The following IL22RA1 variants were observed in gnomAD, a reference collection of about 807,000 sequenced individuals.
IL22RA1 encodes the protein interleukin 22 receptor subunit alpha 1, also known as interleukin-22 receptor subunit alpha-1.
In IL22RA1, 25 loss-of-function variants were observed where a neutral mutation model predicts 32.8. The observed-to-expected ratio is 0.76, with a 90% confidence interval of 0.55 to 1.06. The LOEUF (loss-of-function observed/expected upper bound fraction) is 1.06. Ranked by LOEUF, IL22RA1 falls within the 50% of genes least tolerant of loss-of-function variation. The probability of loss-of-function intolerance (pLI) is 0.00; values close to 1 mark genes in which losing one functional copy is unlikely to be tolerated. For synonymous variants in IL22RA1, 305 were observed against 305.0 expected, an observed-to-expected ratio of 1.00 and a Z score of 0.00; for missense variants, 709 against 727.4, an observed-to-expected ratio of 0.97 and a Z score of 0.29.
At chr1:24,124,296 A>G (rs776097688) in intron 5 of IL22RA1, among the ~76,000 whole-genome samples, 1 of 152,136 alleles carries the variant, frequency 6.6e-6, no homozygotes, top group South Asian at 2.1e-4. Context: ...CTACCAAGAT[A>G]AGGGGCTGGG....
intron 3 of IL22RA1, among the ~76,000 whole-genome samples, chr1:24,135,920 G>A (rs1644238677): frequency 6.6e-6 from 1 of 152,158 alleles, no homozygotes; most frequent in Non-Finnish European, 1.5e-5. Context: ...AACCATATCA[G>A]CAACTGCTGT....
At position 24,120,889 on chromosome 1, in the gene IL22RA1, G is replaced by A; in HGVS notation, c.1641C>T (p.Ala547=). 1.2e-6 allele frequency: 2 copies of A among 1,614,218 alleles called. No individual in the cohort carries two copies. The highest frequency in any genetic ancestry group is 1.7e-6 in the Non-Finnish European group (2 of 1,180,036). ...VCPKDEAKSP[A]PETSDLEQPT... ...GCTGCTCCAGGTCTGAGGTCTCAGG[G>A]GCTGGGCTCTTGGCTTCATCCTTGG... The change falls in exon 7 of 7, where the codon GCC becomes GCT. Residue 547 remains alanine (A), a synonymous_variant. Transcript: ENST00000270800.
chr1:24,136,825 G>A (rs1021320186), intron 3 of IL22RA1, among the ~76,000 whole-genome samples: 2 of 152,160 alleles, frequency 1.3e-5, no homozygotes, highest in African/African-American at 4.8e-5. Context: ...TGGAGGAGGT[G>A]GTAAAGAGGA....
intron 6 of IL22RA1, among the ~76,000 whole-genome samples, 155 bp from the exon 7 acceptor site, chr1:24,121,892 C>T (rs1317936730): frequency 6.6e-6 from 1 of 152,180 alleles, no homozygotes; most frequent in African/African-American, 2.4e-5. Context: ...CCCAGAGACT[C>T]CTCTAGGTGC....
intron 6 of IL22RA1, among the ~76,000 whole-genome samples, chr1:24,122,352 G>A (rs1644130274): frequency 6.6e-6 from 1 of 150,958 alleles, no homozygotes; most frequent in Non-Finnish European, 1.5e-5. Context: ...GGCTGATGTA[G>A]GGCTTTCCAT....
chr1:24,134,908 G>T, intron 3 of IL22RA1: 1 of 809,646 alleles, frequency 1.2e-6, no homozygotes, highest in Non-Finnish European at 1.5e-6. Context: ...ACTCCTTTGA[G>T]AATGTGATGA....
intron 2 of IL22RA1, 33 bp from the exon 3 acceptor site, chr1:24,137,342 T>C: frequency 6.2e-7 from 1 of 1,604,100 alleles, no homozygotes; most frequent in Non-Finnish European, 8.5e-7. Context: ...GTCACCGTGG[T>C]GATGAAAAGG....
chr1:24,123,204 C>T, intron 6 of IL22RA1, 98 bp downstream of exon 6: 2 of 1,489,608 alleles, frequency 1.3e-6, no homozygotes, highest in South Asian at 2.8e-5. Context: ...CCATCTCCTG[C>T]TTTGTCTGTG....
chr1:24,139,565 G>C (rs981064250), intron 1 of IL22RA1, among the ~76,000 whole-genome samples: 1 of 152,092 alleles, frequency 6.6e-6, no homozygotes, highest in African/African-American at 2.4e-5. Context: ...ACAGGGTCTT[G>C]CTCTGTCCCC....
rs1480603607 is a variant in IL22RA1 at position 24,121,397 on chromosome 1, G to A, written c.1133C>T (p.Ala378Val). Residue 378 changes from alanine to valine, a missense_variant, in exon 7 of 7, where the codon GCC becomes GTC. Physicochemically the swap from Ala to Val is moderately conservative, Grantham distance 64. Transcript: ENST00000270800. ...CTGGACCTTAGAGATGGCCTGTGGG[G>A]CGTAGAATGGGAATTGAGCTTCGGG... Reference protein sequence around the residue: ...VTPEAQFPFYAPQAISKVQPS... With the variant: ...VTPEAQFPFYVPQAISKVQPS... 6.4e-7 allele frequency: 1 copy of A among 1,557,016 alleles called. No individual in the cohort carries two copies. The highest frequency in any genetic ancestry group is 8.7e-7 in the Non-Finnish European group (1 of 1,150,488).
rs961531684 is a variant in IL22RA1, at chr1:24,134,210, C to T, written c.531+1G>A. ...AAGACCAGGGTGCAACATACACTCA[C>T]CATTTGGTAGGTGCGGTTGACCTGG... On this transcript the variant is annotated splice_donor_variant, in intron 4 of 6. Coordinates refer to ENST00000270800, the MANE Select transcript of IL22RA1 (RefSeq NM_021258.4). LOFTEE classifies it high-confidence loss of function. The T allele has an allele frequency of 1.2e-6, 2 of 1,609,266 alleles. No individual in the cohort carries two copies. Among genetic ancestry groups the T allele is most frequent in the Non-Finnish European group, 8.5e-7 (1 of 1,177,826 alleles).
At chr1:24,130,546 C>T (rs1419874444) in intron 4 of IL22RA1, among the ~76,000 whole-genome samples, 2 of 152,200 alleles carry the variant, frequency 1.3e-5, no homozygotes, top group African/African-American at 2.4e-5. Flanking sequence ...CAAACCAACA[C>T]TCTTTGGAGG....
At chr1:24,134,758 G>A in intron 3 of IL22RA1, 1 of 758,984 alleles carries the variant, frequency 1.3e-6, no homozygotes, top group Non-Finnish European at 1.6e-6. Context: ...CTTTGGGGAT[G>A]TCAATGACAT....
At position 24,123,652 on chromosome 1, in the gene IL22RA1, G is replaced by T. The variant is rs536260831; in HGVS notation, c.671-229C>A. 9.0e-6 allele frequency: 9 copies of T among 1,000,708 alleles called. No homozygotes were observed. In the East Asian group the frequency reaches 2.6e-4, roughly 28 times the overall value. 62.0% of individuals were successfully genotyped at this position (1,000,708 alleles called of 1,614,324 possible). ...CTGTTAAATAAATAAAATGTTCGAG[G>T]TTTCCACCTTAACAAAAAGATTTTT... On this transcript the variant is annotated intron_variant, in intron 5 of 6. Transcript: ENST00000270800.
chr1:24,134,385 A>G lies in IL22RA1; in HGVS notation c.357T>C (p.Thr119=), dbSNP rs1435592940. 2 of 1,499,792 alleles carry G rather than the reference A, an allele frequency of 1.3e-6. No individual in the cohort carries two copies. The highest frequency in any genetic ancestry group is 1.8e-6 in the Non-Finnish European group (2 of 1,117,934). 92.9% of individuals were successfully genotyped at this position (1,499,792 alleles called of 1,614,324 possible). A position where few individuals can be genotyped will look rare whatever the true frequency, so the allele number is the denominator to read the frequency against. Residue 119 remains threonine, a splice_region_variant and synonymous_variant, in exon 4 of 7, where the codon ACT becomes ACC. Coordinates refer to ENST00000270800, the MANE Select transcript of IL22RA1 (RefSeq NM_021258.4). ...MTDRFSSLQH[T]TLKPPDVTCI... ...AGGTCACATCAGGTGGCTTGAGGGT[A>G]GCTGGGGATAGGGAGAGAGAAAAGA...
chr1:24,121,016 T>G lies in IL22RA1; in HGVS notation c.1514A>C (p.Glu505Ala). The G allele has an allele frequency of 6.2e-7, 1 of 1,614,110 alleles. No individual in the cohort carries two copies. Among genetic ancestry groups the G allele is most frequent in the Non-Finnish European group, 8.5e-7 (1 of 1,179,968 alleles). ...CAAAGGGAGGGACATGGGGTGGCCC[T>G]CGATCTGGACTGAGGAGAGGAGGGG... ...QLPLLSSVQI[E>A]GHPMSLPLQP... The change falls in exon 7 of 7, where the codon GAG (glutamate) becomes GCG (alanine). Residue 505 changes from glutamate (E) to alanine (A), a missense_variant. Transcript: ENST00000270800.
At chr1:24,138,170 C>A (rs1215855328) in intron 2 of IL22RA1, among the ~76,000 whole-genome samples, 2 of 152,120 alleles carry the variant, frequency 1.3e-5, no homozygotes, top group East Asian at 3.9e-4. Context: ...CTTCGGTTGA[C>A]CTAGTCTCAC....
intron 1 of IL22RA1, among the ~76,000 whole-genome samples, chr1:24,141,436 G>A (rs1421300514): frequency 1.3e-5 from 2 of 152,136 alleles, no homozygotes; most frequent in Non-Finnish European, 2.9e-5. Flanking sequence ...CAGCGGGAAC[G>A]GTTGCTGGTT....
intron 3 of IL22RA1, among the ~76,000 whole-genome samples, chr1:24,135,869 G>A (rs1402616015): frequency 6.6e-6 from 1 of 152,198 alleles, no homozygotes; most frequent in Non-Finnish European, 1.5e-5. Flanking sequence ...AGGATTATGG[G>A]AACTACAATT....
Sources: allele counts gnomAD v4.1 joint callset (sites outside exome capture counted in the v4.1 genomes callset), GRCh38; gene constraint gnomAD v4.1.1; transcripts MANE v1.5; gene names NCBI Gene and HGNC (gene_info 2026-07-23, HGNC 2026-07-21).